The following CWF19L2 variants were observed in gnomAD, a reference collection of about 807,000 sequenced individuals.
CWF19L2 encodes the protein CWF19-like protein 2.
CWF19L2 carries 98 observed loss-of-function variants against 111.7 expected under a neutral mutation model. The observed-to-expected ratio is 0.88, with a 90% confidence interval of 0.75 to 1.04. The LOEUF is 1.04. CWF19L2 is among the 50% of genes least tolerant of loss of function. The pLI, the probability that CWF19L2 is intolerant of heterozygous loss-of-function variation, is 0.00. For synonymous variants in CWF19L2, 351 were observed against 342.9 expected (o/e 1.02, Z -0.26); for missense variants, 1,101 against 1,051.4 (o/e 1.05, Z -0.65).
At chr11:107,416,784 A>C (rs1467620139) in intron 9 of CWF19L2, among the ~76,000 whole-genome samples, 1 of 152,238 alleles carries the variant, frequency 6.6e-6, no homozygotes, top group Non-Finnish European at 1.5e-5. Context: ...ACCATGAAGT[A>C]ATACATTAAA....
chr11:107,423,048 C>T (rs1861323613), intron 8 of CWF19L2, among the ~76,000 whole-genome samples: 2 of 151,968 alleles, frequency 1.3e-5, no homozygotes, highest in Non-Finnish European at 2.9e-5. Context: ...AGGGACACTG[C>T]ATTCATGTAA....
chr11:107,407,137 T>C (rs754850549), intron 10 of CWF19L2, among the ~76,000 whole-genome samples: 18 of 152,112 alleles, frequency 1.2e-4, no homozygotes, highest in Non-Finnish European at 2.5e-4. Context: ...TCTACTATAA[T>C]TATTCTAGTC....
Position 107,369,029 on chromosome 11 carries a change from A to G in CWF19L2, c.1873-15293T>C, listed in dbSNP as rs767729886. ...AGAAAATGGATAAATTCCTGGAAAC[A>G]CAACCTCCCAAGATTGAACCATTGG... On this transcript the variant is annotated intron_variant, in intron 12 of 17. Coordinates refer to ENST00000282251, the MANE Select transcript of CWF19L2 (RefSeq NM_152434.3). Among the ~76,000 whole-genome samples, 6 of 137,714 alleles carry G rather than the reference A, an allele frequency of 4.4e-5. 1 individual carries two copies. Among genetic ancestry groups the G allele is most frequent in the Admixed American group, 7.1e-5 (1 of 14,090 alleles). The allele number at this position is 137,714 out of a possible 152,430, so 90.3% of individuals were successfully genotyped here. A position where few individuals can be genotyped will look rare whatever the true frequency, so the allele number is the denominator to read the frequency against.
intron 11 of CWF19L2, among the ~76,000 whole-genome samples, chr11:107,391,524 C>A (rs939256839): frequency 6.6e-6 from 1 of 152,182 alleles, no homozygotes; most frequent in African/African-American, 2.4e-5. Context: ...AATTATTAAA[C>A]CCTTGTTCTG....
At chr11:107,360,781 T>C (rs974317317) in intron 12 of CWF19L2, among the ~76,000 whole-genome samples, 3 of 152,216 alleles carry the variant, frequency 2.0e-5, no homozygotes, top group Admixed American at 6.5e-5. Context: ...CATTTGCATA[T>C]CCTCTTTTGA....
intron 10 of CWF19L2, among the ~76,000 whole-genome samples, chr11:107,411,089 G>GCGCACACACACACA (rs1491125517): frequency 4.7e-5 from 7 of 148,692 alleles, no homozygotes; most frequent in African/African-American, 1.7e-4. Flanking sequence ...GCGCGTGCGT[G>GCGCACACACACACA]CACACACACA....
At chr11:107,434,672 CAAAAAAAAA>C (rs71044301) in intron 6 of CWF19L2, among the ~76,000 whole-genome samples, 2 of 115,818 alleles carry the variant, frequency 1.7e-5, no homozygotes, top group Admixed American at 1.8e-4. Context: ...TATTACACAG[CAAAAAAAAA>C]AAAAAAAAGA....
At chr11:107,381,231 A>T (rs1000374895) in intron 12 of CWF19L2, among the ~76,000 whole-genome samples, 2 of 152,198 alleles carry the variant, frequency 1.3e-5, no homozygotes, top group African/African-American at 4.8e-5. Context: ...TTAAAATGGT[A>T]AATTTTATGT....
rs1555023365 is a variant in CWF19L2, at chr11:107,402,871, G to GTGTGTGTA, written c.1618-9977_1618-9976insTACACACA. Among the ~76,000 whole-genome samples, 3 of 57,106 alleles carry GTGTGTGTA rather than the reference G, an allele frequency of 5.3e-5. 1 individual carries two copies. In the East Asian group the frequency reaches 1.6e-3, roughly 30 times the overall value. 37.5% of individuals were successfully genotyped at this position (57,106 alleles called of 152,430 possible). On this transcript the variant is annotated intron_variant, in intron 10 of 17. Transcript: ENST00000282251. ...AACGAGTGGATAAACAAACTGTGGT[G>GTGTGTGTA]TGTATATATATATATATATATATAT...
At chr11:107,360,579 C>T (rs1349116111) in intron 12 of CWF19L2, among the ~76,000 whole-genome samples, 1 of 152,094 alleles carries the variant, frequency 6.6e-6, no homozygotes, top group East Asian at 1.9e-4. Flanking sequence ...CCATAGAGGC[C>T]GTACCAATTT....
intron 8 of CWF19L2, among the ~76,000 whole-genome samples, chr11:107,428,261 T>C (rs1861408254): frequency 6.6e-6 from 1 of 152,180 alleles, no homozygotes; most frequent in Admixed American, 6.6e-5. Context: ...CTTTAAAATC[T>C]GTCAATTGCC....
chr11:107,378,821 A>G (rs893907474), intron 12 of CWF19L2, among the ~76,000 whole-genome samples: 1 of 150,628 alleles, frequency 6.6e-6, no homozygotes, highest in African/African-American at 2.4e-5. Flanking sequence ...TTTAAATTAT[A>G]AAGTCAATAA....
chr11:107,395,685 G>A (rs1425055783), intron 10 of CWF19L2, among the ~76,000 whole-genome samples: 1 of 152,092 alleles, frequency 6.6e-6, no homozygotes, highest in African/African-American at 2.4e-5. Context: ...TAAACGTACT[G>A]TAAATTTTAT....
intron 12 of CWF19L2, among the ~76,000 whole-genome samples, chr11:107,372,508 G>T (rs1860526160): frequency 7.3e-6 from 1 of 136,642 alleles, no homozygotes; most frequent in African/African-American, 2.9e-5. Context: ...AGTCTAAAGA[G>T]GTAGTGACCA....
At chr11:107,354,888 ATACTATGG>A (rs1271901214) in intron 12 of CWF19L2, among the ~76,000 whole-genome samples, 1 of 152,146 alleles carries the variant, frequency 6.6e-6, no homozygotes, top group Non-Finnish European at 1.5e-5. Flanking sequence ...TCATTTTTCA[ATACTATGG>A]TAAGAATTAG....
chr11:107,350,561 G>A (rs1011479019), intron 13 of CWF19L2, among the ~76,000 whole-genome samples: 3 of 152,072 alleles, frequency 2.0e-5, no homozygotes, highest in African/African-American at 4.8e-5. Flanking sequence ...TGCTAGCACC[G>A]ATCTTGGACT....
At chr11:107,414,970 T>C (rs1861205114) in intron 10 of CWF19L2, among the ~76,000 whole-genome samples, 1 of 152,190 alleles carries the variant, frequency 6.6e-6, no homozygotes, top group Non-Finnish European at 1.5e-5. Context: ...TAATAGAGAA[T>C]CCAGAATGGT....
At chr11:107,417,923 C>T (rs1179708980) in intron 9 of CWF19L2, among the ~76,000 whole-genome samples, 1 of 152,082 alleles carries the variant, frequency 6.6e-6, no homozygotes, top group East Asian at 1.9e-4. Context: ...CCACACCCAG[C>T]TAATTTTTGT....
chr11:107,334,655 G>A (rs1859896021), intron 16 of CWF19L2, among the ~76,000 whole-genome samples: 1 of 152,216 alleles, frequency 6.6e-6, no homozygotes, highest in African/African-American at 2.4e-5. Flanking sequence ...TACAGTGGCA[G>A]AAGGCCAAAG....
Sources: gnomAD v4.1 joint callset for allele counts (sites outside exome capture counted in the v4.1 genomes callset) on GRCh38, gnomAD v4.1.1 for gene constraint, MANE v1.5 for transcripts, NCBI Gene and HGNC (gene_info 2026-07-23, HGNC 2026-07-21) for gene names.